The following KANK4 variants were observed in gnomAD, a reference collection of about 807,000 sequenced individuals.
KANK4 encodes the protein KN motif and ankyrin repeat domain-containing protein 4.
KANK4 carries 50 observed loss-of-function variants against 80.8 expected under a neutral mutation model. That is an observed-to-expected ratio of 0.62 (90% CI 0.49 to 0.78). The LOEUF is 0.78. KANK4 is among the 30% of genes least tolerant of loss of function. The pLI is 0.00. For missense variants in KANK4, 1,196 were observed against 1,240.1 expected (o/e 0.96, Z 0.53); for synonymous variants, 465 against 506.9 (o/e 0.92, Z 1.11).
chr1:62,248,400 G>A (rs1671523226), intron 8 of KANK4, among the ~76,000 whole-genome samples: 1 of 151,990 alleles, frequency 6.6e-6, no homozygotes, highest in Non-Finnish European at 1.5e-5. Context: ...ATGGGGTCTT[G>A]CTGTGTTACC....
rs1482240155 is a variant in KANK4, at chr1:62,281,622, C to T, written c.-58G>A. The T allele has an allele frequency of 6.2e-7, 1 of 1,603,454 alleles. No homozygotes were observed. Among genetic ancestry groups the T allele is most frequent in the Non-Finnish European group, 8.5e-7 (1 of 1,170,262 alleles). On this transcript the variant is annotated 5_prime_UTR_variant, in exon 2 of 10. Coordinates refer to ENST00000371153, the MANE Select transcript of KANK4 (RefSeq NM_181712.5). ...CTCTTCATCCAATGAGTCTGTAAAA[C>T]TTGTTGAAGGTTCTGAAAGAAAGGA...
chr1:62,311,616 A>G lies in KANK4; in HGVS notation c.-71+7490T>C, dbSNP rs969074861. ...ATTCTAGTTTGCACTGGATCAAGGG[A>G]TTCATCAGTTAGTCTACACAAACTC... is the stretch of plus-strand genomic sequence containing the variant. On this transcript the variant is annotated intron_variant, in intron 1 of 9. Coordinates refer to ENST00000371153, the MANE Select transcript of KANK4 (RefSeq NM_181712.5). Among the ~76,000 whole-genome samples the G allele has an allele frequency of 2.6e-5, 4 of 152,218 alleles. 1 individual carries two copies. The East Asian group carries it at 7.7e-4, about 29-fold the overall frequency.
intron 7 of KANK4, among the ~76,000 whole-genome samples, chr1:62,255,824 G>GT (rs1309732651): frequency 6.6e-6 from 1 of 151,508 alleles, no homozygotes; most frequent in Non-Finnish European, 1.5e-5. Context: ...AATTCTTTGT[G>GT]TTTTTTATAG....
intron 1 of KANK4, among the ~76,000 whole-genome samples, chr1:62,284,959 A>C (rs1332673879): frequency 6.6e-6 from 1 of 152,168 alleles, no homozygotes; most frequent in East Asian, 1.9e-4. Context: ...AAGGAACAAA[A>C]TTGTCTGTCT....
At chr1:62,246,064 G>C (rs1196264534) in intron 9 of KANK4, among the ~76,000 whole-genome samples, 1 of 152,178 alleles carries the variant, frequency 6.6e-6, no homozygotes, top group African/African-American at 2.4e-5. Flanking sequence ...CTTGAGCAAA[G>C]TGGGGCAGCA....
In KANK4 at chr1:62,238,289, G is replaced by C; in HGVS notation, c.2976C>G (p.Ser992=). Residue 992 remains serine, a synonymous_variant, in exon 10 of 10, where the codon TCC becomes TCG. Transcript: ENST00000371153. ...LLRAHAEQGR[S]LGL ...TCTTCTGCAGCCCCTACAGCCCCAGGGACCTGCCCTGCTCCGCGTGGGCTC... is the reference window on the plus strand; with the variant it reads ...TCTTCTGCAGCCCCTACAGCCCCAGCGACCTGCCCTGCTCCGCGTGGGCTC... 3 of 1,613,378 alleles carry C rather than the reference G, an allele frequency of 1.9e-6. No individual in the cohort carries two copies. The highest frequency in any genetic ancestry group is 2.5e-6 in the Non-Finnish European group (3 of 1,179,426).
chr1:62,275,308 C>G (rs565611626), intron 2 of KANK4, among the ~76,000 whole-genome samples: 4 of 152,230 alleles, frequency 2.6e-5, no homozygotes, highest in Non-Finnish European at 5.9e-5. Flanking sequence ...TGCAAGGAAA[C>G]AGGGAGAGGG....
intron 7 of KANK4, among the ~76,000 whole-genome samples, chr1:62,253,542 C>T (rs952404393): frequency 4.7e-5 from 7 of 149,602 alleles, no homozygotes; most frequent in Admixed American, 2.7e-4. Flanking sequence ...CCTGAGTAGC[C>T]AGGATTACAG....
intron 1 of KANK4, among the ~76,000 whole-genome samples, chr1:62,310,303 C>G (rs1571054512): frequency 6.6e-6 from 1 of 152,160 alleles, no homozygotes; most frequent in Non-Finnish European, 1.5e-5. Flanking sequence ...GTTTCTTCCA[C>G]CCTCAACTAA....
chr1:62,312,569 C>CA (rs1644505909), intron 1 of KANK4, among the ~76,000 whole-genome samples: 2 of 152,194 alleles, frequency 1.3e-5, no homozygotes, highest in African/African-American at 4.8e-5. Context: ...AATCTCCACC[C>CA]ACACCCTTTC....
At chr1:62,275,137 C>T (rs1255619784) in intron 2 of KANK4, 50 bp from the exon 3 acceptor site, 1 of 1,408,116 alleles carries the variant, frequency 7.1e-7, no homozygotes, top group African/African-American at 1.4e-5. Context: ...TTTAATTAAG[C>T]ATTACAGGGC....
rs1447515897 is a variant in KANK4 at position 62,236,940 on chromosome 1, A to G, written c.*1337T>C. ...TTCCATCAGCTGCTTCTTGTGCAGCACCTCCCAGGAGGTAGGTTGTATGAC... is the reference window on the plus strand; with the variant it reads ...TTCCATCAGCTGCTTCTTGTGCAGCGCCTCCCAGGAGGTAGGTTGTATGAC... On this transcript the variant is annotated 3_prime_UTR_variant, in exon 10 of 10. Transcript: ENST00000371153. The G allele has an allele frequency of 1.3e-5, 2 of 151,912 alleles. No individual in the cohort carries two copies. Among genetic ancestry groups the G allele is most frequent in the African/African-American group, 4.8e-5 (2 of 41,346 alleles). 9.4% of individuals were successfully genotyped at this position (151,912 alleles called of 1,614,324 possible). A position where few individuals can be genotyped will look rare whatever the true frequency, so the allele number is the denominator to read the frequency against.
intron 1 of KANK4, among the ~76,000 whole-genome samples, chr1:62,311,321 C>T (rs1644496754): frequency 6.6e-6 from 1 of 151,888 alleles, no homozygotes; most frequent in South Asian, 2.1e-4. Flanking sequence ...AACAGTCATA[C>T]CTTATTGAGT....
At chr1:62,281,490 A>G (rs1672449633) in intron 2 of KANK4, 59 bp downstream of exon 2, 4 of 1,608,256 alleles carry the variant, frequency 2.5e-6, no homozygotes, top group Non-Finnish European at 3.4e-6. Context: ...TTGTGGCAAC[A>G]ATTCTTTCCC....
chr1:62,239,026 T>C (rs1671277272), intron 9 of KANK4, among the ~76,000 whole-genome samples: 1 of 152,062 alleles, frequency 6.6e-6, no homozygotes, highest in African/African-American at 2.4e-5. Flanking sequence ...TTGGTGTGTT[T>C]TCCTCCAATC....
chr1:62,303,937 A>G (rs1415877985), intron 1 of KANK4, among the ~76,000 whole-genome samples: 1 of 151,758 alleles, frequency 6.6e-6, no homozygotes, highest in East Asian at 1.9e-4. Flanking sequence ...GCAATGGTGC[A>G]ATCTCAGCTC....
rs781337033 is a variant in KANK4, at chr1:62,253,206, A to G, written c.2543T>C (p.Val848Ala). ...SIVKLLLETG[V>A]CNVDHQNKAG... Reference sequence around the variant, plus strand: ...TTTGTTCTGATGGTCCACATTGCAGACGCCTGCAAGAGAAGCAATGGGTGC... The same window carrying G: ...TTTGTTCTGATGGTCCACATTGCAGGCGCCTGCAAGAGAAGCAATGGGTGC... Residue 848 changes from valine (V) to alanine (A), a missense_variant, in exon 8 of 10, where the codon GTC (valine) becomes GCC (alanine). Transcript: ENST00000371153. 8 of 1,604,436 alleles carry G rather than the reference A, an allele frequency of 5.0e-6. 1 individual carries two copies. The South Asian group carries it at 7.9e-5, about 16-fold the overall frequency.
At chr1:62,244,913 A>G (rs1031535105) in intron 9 of KANK4, among the ~76,000 whole-genome samples, 4 of 152,162 alleles carry the variant, frequency 2.6e-5, no homozygotes, top group African/African-American at 7.2e-5. Context: ...CTGAAATGCA[A>G]CAGATCCCAC....
At chr1:62,289,704 G>A (rs1432610770) in intron 1 of KANK4, among the ~76,000 whole-genome samples, 1 of 152,206 alleles carries the variant, frequency 6.6e-6, no homozygotes, top group Admixed American at 6.5e-5. Context: ...TAACTATTAT[G>A]ATGTATTCTT....
Sources: gnomAD v4.1 joint callset for allele counts (sites outside exome capture counted in the v4.1 genomes callset) on GRCh38, gnomAD v4.1.1 for gene constraint, MANE v1.5 for transcripts, NCBI Gene and HGNC (gene_info 2026-07-23, HGNC 2026-07-21) for gene names.